The following TCN2 variants were observed in gnomAD, a reference collection of about 807,000 sequenced individuals.
TCN2 encodes transcobalamin 2.
TCN2 carries 34 observed loss-of-function variants against 48.6 expected under a neutral mutation model. The observed-to-expected ratio is 0.70, with a 90% CI of 0.53 to 0.93. TCN2 has a LOEUF of 0.93. Ranked by LOEUF, TCN2 falls within the 40% of genes least tolerant of loss-of-function variation. The probability of loss-of-function intolerance (pLI) is 0.00; values close to 1 mark genes in which losing one functional copy is unlikely to be tolerated. For synonymous variants in TCN2, 283 were observed against 212.5 expected (o/e 1.33, Z -2.89); for missense variants, 652 against 526.1 (o/e 1.24, Z -2.34).
At chr22:30,615,904 G>A (rs1257931012) in intron 6 of TCN2, 117 bp downstream of exon 6, 110 of 1,290,202 alleles carry the variant, frequency 8.5e-5, no homozygotes, top group Non-Finnish European at 1.2e-4. Context: ...GATTGTGGGT[G>A]TGCATGGGAC....
rs141591928 is a variant in TCN2, at chr22:30,610,998, G to A, written c.192G>A (p.Gln64=). ...IYVGLRLSSL[Q]AGTKEDLYLH... is the part of the protein sequence containing the mutation. ...TGGGCCTACGCCTCTCCAGTCTGCAGGCTGGGACCAAGGAAGACCTCTACC... is the reference window on the plus strand; with the variant it reads ...TGGGCCTACGCCTCTCCAGTCTGCAAGCTGGGACCAAGGAAGACCTCTACC... Residue 64 remains glutamine (Q), a synonymous_variant, in exon 2 of 9, where the codon CAG becomes CAA. Coordinates refer to ENST00000215838, the MANE Select transcript of TCN2 (RefSeq NM_000355.4). The A allele has an allele frequency of 1.2e-6, 2 of 1,614,202 alleles. No homozygotes were observed. Among genetic ancestry groups the A allele is most frequent in the Admixed American group, 1.7e-5 (1 of 60,024 alleles).
chr22:30,619,621 C>A (rs557925578), intron 7 of TCN2, among the ~76,000 whole-genome samples: 1 of 152,298 alleles, frequency 6.6e-6, no homozygotes, highest in South Asian at 2.1e-4. Context: ...AGGTCACGCA[C>A]ACCACAGACT....
intron 6 of TCN2, among the ~76,000 whole-genome samples, chr22:30,616,755 C>G (rs1264427665): frequency 1.3e-5 from 2 of 152,116 alleles, no homozygotes; most frequent in South Asian, 2.1e-4. Flanking sequence ...GAGCCGAGAT[C>G]GCGCCATTGC....
chr22:30,613,543 T>G (rs2087570637), intron 3 of TCN2, among the ~76,000 whole-genome samples: 1 of 152,128 alleles, frequency 6.6e-6, no homozygotes, highest in Non-Finnish European at 1.5e-5. Flanking sequence ...CCTCCGAAAG[T>G]GCTGGGATTA....
intron 7 of TCN2, among the ~76,000 whole-genome samples, chr22:30,621,887 TC>T (rs2087705686): frequency 1.3e-5 from 2 of 152,248 alleles, no homozygotes; most frequent in Admixed American, 1.3e-4. Flanking sequence ...TCCCTTCTCC[TC>T]TGGCAAATCC....
rs142693660 is a variant in TCN2 at position 30,621,805 on chromosome 22, C to A, written c.1107-1163C>A. 5.9e-5 allele frequency among the ~76,000 whole-genome samples: 9 copies of A among 152,044 alleles called. No individual in the cohort carries two copies. The East Asian group carries it at 1.8e-3, about 30-fold the overall frequency. Reference sequence around the variant, plus strand: ...GGCCTGACCCTGCTCTTTTGAAAGACCATTCCCCCAAATTCTGTGCACCTG... The same window carrying A: ...GGCCTGACCCTGCTCTTTTGAAAGAACATTCCCCCAAATTCTGTGCACCTG... On this transcript the variant is annotated intron_variant, in intron 7 of 8. Transcript: ENST00000215838.
chr22:30,607,283 C>G lies in TCN2; in HGVS notation c.-49C>G, dbSNP rs750207086. Reference sequence around the variant, plus strand: ...AGGAGAGCCTCAGCAGGGCCAGCCCCAGGAGTCTTTCCCGATTCTTGCTCA... The same window carrying G: ...AGGAGAGCCTCAGCAGGGCCAGCCCGAGGAGTCTTTCCCGATTCTTGCTCA... On this transcript the variant is annotated 5_prime_UTR_variant, in exon 1 of 9. Transcript: ENST00000215838. 1.9e-6 allele frequency: 3 copies of G among 1,609,854 alleles called. No homozygotes were observed. The highest frequency in any genetic ancestry group is 2.6e-6 in the Non-Finnish European group (3 of 1,176,188).
chr22:30,624,762 A>G (rs1310566433), intron 8 of TCN2, among the ~76,000 whole-genome samples: 1 of 152,200 alleles, frequency 6.6e-6, no homozygotes, highest in Non-Finnish European at 1.5e-5. Flanking sequence ...CGCCCAGGCT[A>G]CACATGCCTA....
In TCN2 at chr22:30,613,060, G is replaced by T. The variant is rs373712632; in HGVS notation, c.427+18G>T. On this transcript the variant is annotated intron_variant, in intron 3 of 8. Coordinates refer to ENST00000215838, the MANE Select transcript of TCN2 (RefSeq NM_000355.4). ...AGCCATTGGTGAGCAGACACCATCCGCTGGGGGTGGGGAGCAGCTGGGAGG... is the reference window on the plus strand; with the variant it reads ...AGCCATTGGTGAGCAGACACCATCCTCTGGGGGTGGGGAGCAGCTGGGAGG... The T allele has an allele frequency of 1.2e-6, 2 of 1,613,170 alleles. No individual in the cohort carries two copies. The highest frequency in any genetic ancestry group is 1.3e-5 in the African/African-American group (1 of 74,992).
chr22:30,624,051 CACACACACACATATATATATATAT>C (rs2087764897), intron 8 of TCN2, among the ~76,000 whole-genome samples: 1 of 18,870 alleles, frequency 5.3e-5, no homozygotes, highest in Non-Finnish European at 9.8e-5. Flanking sequence ...TATACACACA[CACACACACACATATATATATATAT>C]ATATATTTTT....
chr22:30,613,827 C>A (rs1321500780), intron 3 of TCN2, among the ~76,000 whole-genome samples: 1 of 152,182 alleles, frequency 6.6e-6, no homozygotes, highest in African/African-American at 2.4e-5. Context: ...ACCTTCTGCC[C>A]AGGCTGTGCT....
At chr22:30,613,574 A>C (rs1371360054) in intron 3 of TCN2, among the ~76,000 whole-genome samples, 3 of 152,190 alleles carry the variant, frequency 2.0e-5, no homozygotes, top group Admixed American at 2.0e-4. Context: ...CCACTGCGTT[A>C]GGCCCACTGA....
intron 4 of TCN2, 35 bp downstream of exon 4, chr22:30,614,536 C>T (rs1336028765): frequency 6.2e-7 from 1 of 1,613,298 alleles, no homozygotes; most frequent in South Asian, 1.1e-5. Context: ...GCCAGGCTGG[C>T]ACTCCCTCAG....
chr22:30,627,013 A>C lies in TCN2; in HGVS notation c.*492A>C. On this transcript the variant is annotated 3_prime_UTR_variant, in exon 9 of 9. Transcript: ENST00000215838. Reference sequence around the variant, plus strand: ...TGGGGAGACCTCAGCAGGGCTGCTCAGTGCCTGCCTCTGACAAAATTAAAG... The same window carrying C: ...TGGGGAGACCTCAGCAGGGCTGCTCCGTGCCTGCCTCTGACAAAATTAAAG... 1 of 205,706 alleles carries C rather than the reference A, an allele frequency of 4.9e-6. No individual in the cohort carries two copies. The highest frequency in any genetic ancestry group is 8.8e-5 in the South Asian group (1 of 11,302). The allele number at this position is 205,706 out of a possible 1,614,324, so 12.7% of individuals were successfully genotyped here. A position where few individuals can be genotyped will look rare whatever the true frequency, so the allele number is the denominator to read the frequency against.
In TCN2 at chr22:30,607,177, G is replaced by C; in HGVS notation, c.-155G>C. 7.3e-6 allele frequency: 6 copies of C among 819,046 alleles called. No homozygotes were observed. The highest frequency in any genetic ancestry group is 1.9e-5 in the Admixed American group (1 of 53,558). The allele number at this position is 819,046 out of a possible 1,614,324, so 50.7% of individuals were successfully genotyped here. On this transcript the variant is annotated 5_prime_UTR_variant, in exon 1 of 9. Transcript: ENST00000215838. ...CCTTCCCCCGCCCCACCCCTCTGCA[G>C]ACTTAGCCGTGCATTGCAGGCATGG... is the stretch of plus-strand genomic sequence containing the variant.
rs1436205377 is a variant in TCN2, at chr22:30,615,670, C to T, written c.823C>T (p.Leu275=). The change falls in exon 6 of 9, where the codon CTG becomes TTG. Residue 275 remains leucine, a synonymous_variant. Coordinates refer to ENST00000215838, the MANE Select transcript of TCN2 (RefSeq NM_000355.4). ...ATGTCTCAAGGCGAGGGTTGCTTTGCTGGCCAGTCTGCAGGATGGAGCCTT... is the reference window on the plus strand; with the variant it reads ...ATGTCTCAAGGCGAGGGTTGCTTTGTTGGCCAGTCTGCAGGATGGAGCCTT... ...TACLKARVAL[L]ASLQDGAFQN... The T allele has an allele frequency of 6.2e-7, 1 of 1,614,226 alleles. No homozygotes were observed. Among genetic ancestry groups the T allele is most frequent in the Non-Finnish European group, 8.5e-7 (1 of 1,180,038 alleles).
intron 1 of TCN2, 106 bp from the exon 2 acceptor site, chr22:30,610,765 G>T (rs976484784): frequency 8.5e-7 from 1 of 1,182,530 alleles, no homozygotes. Flanking sequence ...GGGTGGAGGT[G>T]GGGGTGAGGA....
In TCN2 at chr22:30,626,568, C is replaced by G. The variant is rs2087814288; in HGVS notation, c.*47C>G. 6.2e-7 allele frequency: 1 copy of G among 1,605,124 alleles called. No homozygotes were observed. The highest frequency in any genetic ancestry group is 8.5e-7 in the Non-Finnish European group (1 of 1,173,106). ...GCAGCCTCGCACACTCCCTAGGCTT[C>G]TACCCTCCCTCCTGATGTCCCTGGA... On this transcript the variant is annotated 3_prime_UTR_variant, in exon 9 of 9. Transcript: ENST00000215838.
chr22:30,611,321 T>TG (rs1491571593), intron 2 of TCN2, among the ~76,000 whole-genome samples: 2 of 152,226 alleles, frequency 1.3e-5, no homozygotes, highest in African/African-American at 4.8e-5. Flanking sequence ...GACTATACTC[T>TG]TTGATGATGA....
Sources: allele counts gnomAD v4.1 joint callset (sites outside exome capture counted in the v4.1 genomes callset), GRCh38; gene constraint gnomAD v4.1.1; transcripts MANE v1.5; gene names NCBI Gene and HGNC (gene_info 2026-07-23, HGNC 2026-07-21).